The following TLL1 variants were observed in gnomAD, a reference collection of about 807,000 sequenced individuals.
TLL1 encodes tolloid like 1.
Under a neutral mutation model 128.2 loss-of-function variants are expected in TLL1, and 49 were observed. That is an observed-to-expected ratio of 0.38 (90% confidence interval 0.30 to 0.48). The LOEUF is 0.48. Among genes scored for constraint, TLL1 ranks in the 20% least tolerant of loss-of-function variants. The probability of loss-of-function intolerance (pLI) is 0.96; values close to 1 mark genes in which losing one functional copy is unlikely to be tolerated. For synonymous variants in TLL1, 454 were observed against 418.8 expected (o/e 1.08, Z -1.03); for missense variants, 1,123 against 1,242.0 (o/e 0.90, Z 1.44).
chr4:166,059,963 G>T, intron 14 of TLL1, 65 bp from the exon 15 acceptor site: 1 of 1,585,614 alleles, frequency 6.3e-7, no homozygotes, highest in Non-Finnish European at 8.6e-7. Flanking sequence ...TTAATTAATG[G>T]ACAGGTGCTA....
intron 1 of TLL1, among the ~76,000 whole-genome samples, chr4:165,893,422 C>T (rs767215771): frequency 6.6e-6 from 1 of 152,178 alleles, no homozygotes; most frequent in Non-Finnish European, 1.5e-5. Flanking sequence ...GGAATCCAGG[C>T]AGAGACCAGA....
chr4:166,099,823 T>C (rs978890694), intron 20 of TLL1, among the ~76,000 whole-genome samples: 1 of 152,138 alleles, frequency 6.6e-6, no homozygotes, highest in Non-Finnish European at 1.5e-5. Flanking sequence ...TTTAAATACT[T>C]AATCTAACAG....
At chr4:166,037,595 G>T (rs1317243675) in intron 9 of TLL1, among the ~76,000 whole-genome samples, 1 of 152,116 alleles carries the variant, frequency 6.6e-6, no homozygotes, top group African/African-American at 2.4e-5. Flanking sequence ...ATCACCTGAG[G>T]TCAGGAGTTC....
intron 19 of TLL1, among the ~76,000 whole-genome samples, chr4:166,093,704 A>G (rs1298841420): frequency 1.3e-5 from 2 of 152,142 alleles, no homozygotes; most frequent in Non-Finnish European, 2.9e-5. Context: ...ATTTCAGACT[A>G]TCACATGGGG....
At chr4:165,917,181 C>G (rs9998828) in intron 1 of TLL1, among the ~76,000 whole-genome samples, 17,212 of 151,996 alleles carry the variant, frequency 0.11, 1,061 homozygotes, top group East Asian at 0.17. Context: ...CGTGAACGTT[C>G]TATAGATTAT....
At chr4:166,019,131 T>C (rs1371652392) in intron 8 of TLL1, among the ~76,000 whole-genome samples, 1 of 152,064 alleles carries the variant, frequency 6.6e-6, no homozygotes, top group Non-Finnish European at 1.5e-5. Context: ...TCATAAAAAA[T>C]AATGAAATCA....
intron 12 of TLL1, among the ~76,000 whole-genome samples, chr4:166,051,905 A>G (rs1739758071): frequency 6.6e-6 from 1 of 152,192 alleles, no homozygotes; most frequent in Non-Finnish European, 1.5e-5. Flanking sequence ...AATATGTACT[A>G]GTGAATTTAA....
chr4:165,998,069 T>A (rs577984156), intron 5 of TLL1, among the ~76,000 whole-genome samples: 21 of 152,306 alleles, frequency 1.4e-4, no homozygotes, highest in African/African-American at 4.8e-4. Context: ...AGAGAGGAGG[T>A]TCTCTAACTG....
rs372833025 is a variant in TLL1 at position 165,923,480 on chromosome 4, G to A, written c.169+49407G>A. Among the ~76,000 whole-genome samples, 40 of 116,408 alleles carry A rather than the reference G, an allele frequency of 3.4e-4. 1 individual carries two copies. In the South Asian group the frequency reaches 0.011, roughly 33 times the overall value. 76.4% of individuals were successfully genotyped at this position (116,408 alleles called of 152,430 possible). ...GTCTTGCTCTGTCGCCCAGGCTGAA[G>A]TGCAGTGGTACGATCTCGGCTCACT... On this transcript the variant is annotated intron_variant, in intron 1 of 20. Transcript: ENST00000061240.
At chr4:165,910,161 G>T (rs563777679) in intron 1 of TLL1, among the ~76,000 whole-genome samples, 29 of 152,096 alleles carry the variant, frequency 1.9e-4, no homozygotes, top group Non-Finnish European at 3.7e-4. Flanking sequence ...AAGCCTGGAA[G>T]CCAGTTTCTT....
At chr4:165,981,427 T>C (rs1736145377) in intron 1 of TLL1, among the ~76,000 whole-genome samples, 1 of 152,062 alleles carries the variant, frequency 6.6e-6, no homozygotes, top group Admixed American at 6.6e-5. Flanking sequence ...ATTTACAGAG[T>C]TGATAAGCTT....
intron 1 of TLL1, among the ~76,000 whole-genome samples, chr4:165,967,706 G>A (rs114335126): frequency 0.018 from 2,761 of 152,258 alleles, 39 homozygotes; most frequent in Non-Finnish European, 0.027. Flanking sequence ...GAGCATGATG[G>A]GACATGCTGA....
intron 1 of TLL1, among the ~76,000 whole-genome samples, chr4:165,963,616 T>C (rs1735227222): frequency 6.6e-6 from 1 of 152,104 alleles, no homozygotes; most frequent in South Asian, 2.1e-4. Flanking sequence ...GAAAAGGTAA[T>C]CCAGGGGAAG....
At chr4:166,001,175 A>T (rs1413229219) in intron 5 of TLL1, among the ~76,000 whole-genome samples, 1 of 152,188 alleles carries the variant, frequency 6.6e-6, no homozygotes, top group East Asian at 1.9e-4. Flanking sequence ...CTTCCAATTT[A>T]ATATATCAGA....
chr4:165,941,314 C>T (rs1385170749), intron 1 of TLL1, among the ~76,000 whole-genome samples: 1 of 151,912 alleles, frequency 6.6e-6, no homozygotes, highest in Non-Finnish European at 1.5e-5. Context: ...TTTCTGATGT[C>T]CTACAGAATA....
chr4:165,962,383 A>G (rs1267929314), intron 1 of TLL1, among the ~76,000 whole-genome samples: 3 of 152,152 alleles, frequency 2.0e-5, no homozygotes, highest in Non-Finnish European at 4.4e-5. Flanking sequence ...ACCATCTTAC[A>G]CCACTCATAA....
At chr4:166,062,768 G>A (rs181451998) in intron 15 of TLL1, among the ~76,000 whole-genome samples, 14 of 152,262 alleles carry the variant, frequency 9.2e-5, no homozygotes, top group African/African-American at 3.4e-4. Context: ...GAATAGGAGT[G>A]GTGAGAGAGG....
chr4:166,085,987 C>A (rs1014483397), intron 18 of TLL1, among the ~76,000 whole-genome samples: 15 of 152,086 alleles, frequency 9.9e-5, no homozygotes, highest in African/African-American at 3.6e-4. Flanking sequence ...TATAAACAAG[C>A]TTTCTTTCAC....
chr4:166,015,931 T>G (rs1315948072), intron 8 of TLL1, among the ~76,000 whole-genome samples: 1 of 151,912 alleles, frequency 6.6e-6, no homozygotes, highest in African/African-American at 2.4e-5. Flanking sequence ...AAAGGGCCAG[T>G]TGATATTTTT....
Sources: allele counts gnomAD v4.1 joint callset (sites outside exome capture counted in the v4.1 genomes callset), GRCh38; gene constraint gnomAD v4.1.1; transcripts MANE v1.5; gene names NCBI Gene and HGNC (gene_info 2026-07-23, HGNC 2026-07-21).